HPSE2: variants seen among roughly 807,000 people sequenced by gnomAD.
HPSE2 encodes heparanase 2 (inactive), also known as inactive heparanase-2.
HPSE2 carries 38 observed loss-of-function variants against 60.5 expected under a neutral mutation model. That is an observed-to-expected ratio of 0.63 (90% confidence interval 0.48 to 0.82). HPSE2 has a LOEUF of 0.82. Among genes scored for constraint, HPSE2 ranks in the 40% least tolerant of loss-of-function variants. HPSE2 has a pLI of 0.00. For missense variants in HPSE2, 713 were observed against 740.4 expected, an observed-to-expected ratio of 0.96 and a Z score of 0.43; for synonymous variants, 295 against 293.2, an observed-to-expected ratio of 1.01 and a Z score of -0.06.
At chr10:99,314,305 G>C in the HPSE2 span, among the ~76,000 whole-genome samples, 1 of 152,116 alleles carries the variant, frequency 6.6e-6, no homozygotes, top group African/African-American at 2.4e-5. Context: ...TGGGACTATA[G>C]GTGCAGGCCA....
intron 3 of HPSE2, among the ~76,000 whole-genome samples, chr10:98,803,378 A>G (rs1449704248): frequency 6.6e-6 from 1 of 150,462 alleles, no homozygotes; most frequent in Non-Finnish European, 1.5e-5. Context: ...TTGGTGTTTT[A>G]GACATGAAGT....
At chr10:99,251,093 G>C in the HPSE2 span, among the ~76,000 whole-genome samples, 1 of 152,166 alleles carries the variant, frequency 6.6e-6, no homozygotes, top group South Asian at 2.1e-4. Context: ...AAGATCAATA[G>C]ACTGCTAGCT....
At chr10:98,902,837 A>G (rs989910505) in intron 3 of HPSE2, among the ~76,000 whole-genome samples, 1 of 152,182 alleles carries the variant, frequency 6.6e-6, no homozygotes, top group Non-Finnish European at 1.5e-5. Context: ...AAAATAAGAC[A>G]GATTAATGGG....
At chr10:99,123,250 AC>A (rs1845029521) in intron 3 of HPSE2, among the ~76,000 whole-genome samples, 1 of 152,322 alleles carries the variant, frequency 6.6e-6, no homozygotes, top group African/African-American at 2.4e-5. Flanking sequence ...GCAATTACAA[AC>A]TATTAAGAAA....
At chr10:98,548,101 C>T (rs1943748607) in intron 9 of HPSE2, among the ~76,000 whole-genome samples, 1 of 152,032 alleles carries the variant, frequency 6.6e-6, no homozygotes, top group South Asian at 2.1e-4. Context: ...GACAAAAATG[C>T]CCATAAATAA....
intron 3 of HPSE2, among the ~76,000 whole-genome samples, chr10:98,954,889 A>G (rs1955463733): frequency 6.6e-6 from 1 of 151,466 alleles, no homozygotes; most frequent in African/African-American, 2.4e-5. Flanking sequence ...ATGACAGTGG[A>G]TGTCTCCCAA....
At chr10:98,952,690 G>C (rs1432468493) in intron 3 of HPSE2, among the ~76,000 whole-genome samples, 1 of 152,108 alleles carries the variant, frequency 6.6e-6, no homozygotes, top group Non-Finnish European at 1.5e-5. Context: ...CTGGAGGCTG[G>C]AAGTCCAAGA....
At chr10:99,018,997 C>T (rs899367656) in intron 3 of HPSE2, among the ~76,000 whole-genome samples, 1 of 152,160 alleles carries the variant, frequency 6.6e-6, no homozygotes, top group African/African-American at 2.4e-5. Context: ...TAAATGCATA[C>T]TCAACATATG....
chr10:98,672,281 CCA>C (rs1947526099), intron 6 of HPSE2, among the ~76,000 whole-genome samples: 2 of 152,154 alleles, frequency 1.3e-5, no homozygotes, highest in Admixed American at 6.5e-5. Context: ...GAGCAGAAAA[CCA>C]CAGTTATGCT....
intron 9 of HPSE2, among the ~76,000 whole-genome samples, chr10:98,517,698 G>T (rs1190686271): frequency 6.6e-6 from 1 of 152,160 alleles, no homozygotes; most frequent in Non-Finnish European, 1.5e-5. Context: ...TGGATTTCTG[G>T]ATGTTTGTGT....
At chr10:99,176,575 AAAT>A in intron 2 of HPSE2, among the ~76,000 whole-genome samples, 1 of 152,262 alleles carries the variant, frequency 6.6e-6, no homozygotes, top group South Asian at 2.1e-4. Context: ...ATTACAGAAA[AAAT>A]AATGAAAAGA....
At chr10:99,288,304 C>T in the HPSE2 span, among the ~76,000 whole-genome samples, 18 of 152,018 alleles carry the variant, frequency 1.2e-4, no homozygotes, top group East Asian at 3.3e-3. Flanking sequence ...AGCTCTACCA[C>T]GATAGCTTAC....
At chr10:98,777,689 C>T (rs954536133) in intron 3 of HPSE2, among the ~76,000 whole-genome samples, 2 of 152,030 alleles carry the variant, frequency 1.3e-5, no homozygotes, top group Non-Finnish European at 2.9e-5. Context: ...CTATGTTAAG[C>T]CCTGATAAAA....
At chr10:99,081,569 T>C (rs541070655) in intron 3 of HPSE2, among the ~76,000 whole-genome samples, 2 of 143,812 alleles carry the variant, frequency 1.4e-5, no homozygotes, top group South Asian at 2.4e-4. Flanking sequence ...AGTGCTATTC[T>C]ACTACTACTA....
At chr10:98,906,956 T>G (rs576957033) in intron 3 of HPSE2, among the ~76,000 whole-genome samples, 1 of 152,310 alleles carries the variant, frequency 6.6e-6, no homozygotes, top group South Asian at 2.1e-4. Context: ...GAAGGGCATT[T>G]ATTCATTTAC....
chr10:99,190,483 C>T (rs1848181188), intron 2 of HPSE2, among the ~76,000 whole-genome samples: 1 of 152,168 alleles, frequency 6.6e-6, no homozygotes, highest in African/African-American at 2.4e-5. Context: ...TAAGGCCTAG[C>T]AACATTAACT....
intron 9 of HPSE2, among the ~76,000 whole-genome samples, chr10:98,523,382 G>T (rs1942861938): frequency 6.6e-6 from 1 of 152,170 alleles, no homozygotes; most frequent in Non-Finnish European, 1.5e-5. Flanking sequence ...AACATTAGTT[G>T]ATGAGAAAGT....
At position 99,182,209 on chromosome 10, in the gene HPSE2, C is replaced by T. The variant is rs971083006; in HGVS notation, c.449-37810G>A. ...GACCTCTTTACTTCTTCTCTTTTAGCGATTTTCCTCAACTCCTCCAAATCC... is the reference window on the plus strand; with the variant it reads ...GACCTCTTTACTTCTTCTCTTTTAGTGATTTTCCTCAACTCCTCCAAATCC... On this transcript the variant is annotated intron_variant, in intron 2 of 11. Transcript: ENST00000370552. 4.6e-5 allele frequency among the ~76,000 whole-genome samples: 7 copies of T among 152,310 alleles called. No individual in the cohort carries two copies. The South Asian group carries it at 1.0e-3, about 23-fold the overall frequency.
intron 2 of HPSE2, among the ~76,000 whole-genome samples, chr10:99,218,416 T>A (rs1849205588): frequency 6.6e-6 from 1 of 151,972 alleles, no homozygotes; most frequent in Admixed American, 6.5e-5. Context: ...TTTACACTGA[T>A]TCTTGATACA....
Sources: gnomAD v4.1 joint callset for allele counts (sites outside exome capture counted in the v4.1 genomes callset) on GRCh38, gnomAD v4.1.1 for gene constraint, MANE v1.5 for transcripts, NCBI Gene and HGNC (gene_info 2026-07-23, HGNC 2026-07-21) for gene names.